The following TLE1 variants were observed in gnomAD, a reference collection of about 807,000 sequenced individuals.
TLE1 encodes the protein transducin-like enhancer protein 1.
In TLE1, 21 loss-of-function variants were observed where a neutral mutation model predicts 89.8. The observed-to-expected ratio is 0.23, with a 90% confidence interval of 0.17 to 0.34. The LOEUF is 0.34. Among genes scored for constraint, TLE1 ranks in the 10% least tolerant of loss-of-function variants. TLE1 has a pLI of 1.00. For synonymous variants in TLE1, 447 were observed against 407.6 expected (o/e 1.10, Z -1.16); for missense variants, 795 against 1,031.2 (o/e 0.77, Z 3.14).
chr9:81,664,987 C>T (rs900221712), intron 4 of TLE1, among the ~76,000 whole-genome samples: 2 of 152,196 alleles, frequency 1.3e-5, no homozygotes, highest in African/African-American at 4.8e-5. Context: ...CTGCCAGGTG[C>T]TCTGACACCC....
chr9:81,652,124 C>CACAT, intron 6 of TLE1, 90 bp downstream of exon 6: 1 of 1,280,260 alleles, frequency 7.8e-7, no homozygotes, highest in Non-Finnish European at 1.1e-6. Flanking sequence ...CACACACACA[C>CACAT]ACACACACAC....
intron 11 of TLE1, among the ~76,000 whole-genome samples, chr9:81,615,119 A>T (rs11139341): frequency 2.5e-5 from 2 of 81,316 alleles, no homozygotes; most frequent in Non-Finnish European, 4.4e-5. Context: ...AAAAAAAAAA[A>T]AAGAAGAAGA....
intron 4 of TLE1, among the ~76,000 whole-genome samples, chr9:81,674,437 G>A (rs1832632533): frequency 6.6e-6 from 1 of 152,098 alleles, no homozygotes; most frequent in South Asian, 2.1e-4. Context: ...TCCACACACT[G>A]GGGTCCTCAA....
chr9:81,634,006 A>C, intron 7 of TLE1, 91 bp downstream of exon 7: 1 of 1,338,076 alleles, frequency 7.5e-7, no homozygotes, highest in Non-Finnish European at 1.0e-6. Flanking sequence ...CTCTCTGTAT[A>C]GGTTGGGGCT....
intron 14 of TLE1, among the ~76,000 whole-genome samples, chr9:81,598,792 A>AT (rs1429553445): frequency 6.6e-6 from 1 of 152,198 alleles, no homozygotes; most frequent in African/African-American, 2.4e-5. Context: ...AGCAATGACA[A>AT]TAATGAAGTG....
intron 6 of TLE1, among the ~76,000 whole-genome samples, chr9:81,643,461 C>A (rs956272715): frequency 3.9e-5 from 6 of 152,032 alleles, no homozygotes; most frequent in Non-Finnish European, 8.8e-5. Flanking sequence ...GTCTGGAACT[C>A]CCAACCTCAG....
chr9:81,648,164 C>T (rs1441284853), intron 6 of TLE1, among the ~76,000 whole-genome samples: 8 of 150,838 alleles, frequency 5.3e-5, no homozygotes, highest in Admixed American at 6.6e-5. Context: ...CCCAGCTACT[C>T]GGGCGGCTGA....
At chr9:81,633,542 T>C in intron 7 of TLE1, 178 bp from the exon 8 acceptor site, 2 of 770,848 alleles carry the variant, frequency 2.6e-6, no homozygotes, top group East Asian at 2.7e-5. Context: ...AAAATTACAG[T>C]ATTTTGTAAA....
chr9:81,615,054 C>T (rs572910857), intron 11 of TLE1, among the ~76,000 whole-genome samples: 4 of 119,568 alleles, frequency 3.3e-5, no homozygotes, highest in Non-Finnish European at 4.8e-5. Flanking sequence ...TGCACTCCAG[C>T]CTGGGTGACA....
At chr9:81,621,801 G>T (rs1825294874) in intron 8 of TLE1, among the ~76,000 whole-genome samples, 1 of 152,108 alleles carries the variant, frequency 6.6e-6, no homozygotes, top group Non-Finnish European at 1.5e-5. Context: ...TATGCAGGAG[G>T]AAATCAAAAC....
At chr9:81,625,050 G>C (rs184458192) in intron 8 of TLE1, among the ~76,000 whole-genome samples, 205 of 152,244 alleles carry the variant, frequency 1.3e-3, no homozygotes, top group African/African-American at 4.3e-3. Flanking sequence ...CTCAGTATCA[G>C]AAACATAAAG....
chr9:81,632,045 G>C (rs78293310), intron 8 of TLE1, among the ~76,000 whole-genome samples: 2,109 of 152,108 alleles, frequency 0.014, 25 homozygotes, highest in Non-Finnish European at 0.023. Flanking sequence ...AGCCGAGATA[G>C]TGCTACTGCA....
At chr9:81,683,045 T>C (rs1411398029) in intron 4 of TLE1, among the ~76,000 whole-genome samples, 1 of 152,198 alleles carries the variant, frequency 6.6e-6, no homozygotes, top group African/African-American at 2.4e-5. Flanking sequence ...TTGATTTGGA[T>C]GCACTTTCAC....
chr9:81,605,083 C>T (rs577132940), intron 14 of TLE1, among the ~76,000 whole-genome samples: 1 of 152,346 alleles, frequency 6.6e-6, no homozygotes, highest in Non-Finnish European at 1.5e-5. Flanking sequence ...ACAGTTCACA[C>T]TCAGTCTATG....
chr9:81,601,974 C>T (rs1830980714), intron 14 of TLE1, among the ~76,000 whole-genome samples: 1 of 152,114 alleles, frequency 6.6e-6, no homozygotes, highest in South Asian at 2.1e-4. Context: ...GATAGAAACA[C>T]GGCTTGTACA....
rs11139345 is a variant in TLE1 at position 81,624,255 on chromosome 9, T to C, written c.595-3698A>G. ...CCATACCAAAAATAGAAACGTGTAA[T>C]TTTTAAATGAACATTTTAAACTCTA... On this transcript the variant is annotated intron_variant, in intron 8 of 19. Transcript: ENST00000376499. Among the ~76,000 whole-genome samples, 1,808 of 152,298 alleles carry C rather than the reference T, an allele frequency of 0.012. 134 individuals carry two copies. The East Asian group carries it at 0.21, about 18-fold the overall frequency.
intron 6 of TLE1, among the ~76,000 whole-genome samples, chr9:81,637,002 C>CA (rs370837419): frequency 0.051 from 4,013 of 78,560 alleles, 205 homozygotes; most frequent in African/African-American, 0.16. Flanking sequence ...GACTCCGTCT[C>CA]AAAAAAAAAA....
At chr9:81,661,756 T>TCC (rs201465652) in intron 4 of TLE1, among the ~76,000 whole-genome samples, 1 of 140,844 alleles carries the variant, frequency 7.1e-6, no homozygotes, top group East Asian at 2.1e-4. Flanking sequence ...CAACCTTAAA[T>TCC]CCCCCCCCCA....
At chr9:81,673,406 G>T (rs1187704717) in intron 4 of TLE1, among the ~76,000 whole-genome samples, 1 of 151,776 alleles carries the variant, frequency 6.6e-6, no homozygotes, top group East Asian at 1.9e-4. Context: ...CAGTTCAGAG[G>T]TAGGAAGGAA....
Sources: gnomAD v4.1 joint callset for allele counts (sites outside exome capture counted in the v4.1 genomes callset) on GRCh38, gnomAD v4.1.1 for gene constraint, MANE v1.5 for transcripts, NCBI Gene and HGNC (gene_info 2026-07-23, HGNC 2026-07-21) for gene names.